The following TMEM131L variants were observed in gnomAD, a reference collection of about 807,000 sequenced individuals.
TMEM131L encodes transmembrane protein 131-like.
In TMEM131L, 54 loss-of-function variants were observed where a neutral mutation model predicts 192.2. That is an observed-to-expected ratio of 0.28 (90% CI 0.23 to 0.35). The LOEUF (loss-of-function observed/expected upper bound fraction) is 0.35, where lower values mean the gene tolerates loss of function less well. Among genes scored for constraint, TMEM131L ranks in the 10% least tolerant of loss-of-function variants. The probability of loss-of-function intolerance (pLI) is 1.00; values close to 1 mark genes in which losing one functional copy is unlikely to be tolerated. For synonymous variants in TMEM131L, 701 were observed against 704.9 expected (o/e 0.99, Z 0.09); for missense variants, 1,888 against 1,972.9 (o/e 0.96, Z 0.82).
At chr4:153,611,664 A>T (rs1732622789) in intron 25 of TMEM131L, among the ~76,000 whole-genome samples, 1 of 152,156 alleles carries the variant, frequency 6.6e-6, no homozygotes, top group Admixed American at 6.5e-5. Context: ...GTTAACCACC[A>T]GTCTACTTTC....
intron 5 of TMEM131L, among the ~76,000 whole-genome samples, chr4:153,556,159 C>T (rs1179234012): frequency 6.6e-6 from 1 of 152,034 alleles, no homozygotes; most frequent in Non-Finnish European, 1.5e-5. Context: ...AGGCTCTCAG[C>T]TGTGTAGTAA....
chr4:153,559,717 T>C (rs1728723269), intron 7 of TMEM131L, among the ~76,000 whole-genome samples: 1 of 152,170 alleles, frequency 6.6e-6, no homozygotes, highest in Non-Finnish European at 1.5e-5. Context: ...TCCCATTAAC[T>C]GCCAGGATCT....
At chr4:153,550,533 C>A (rs111543012) in intron 4 of TMEM131L, among the ~76,000 whole-genome samples, 170 of 152,124 alleles carry the variant, frequency 1.1e-3, no homozygotes, top group Middle Eastern at 3.4e-3. Flanking sequence ...TCACCGTGTT[C>A]GCCAGGATGG....
chr4:153,609,641 A>G (rs1349223669), intron 25 of TMEM131L, among the ~76,000 whole-genome samples: 1 of 152,182 alleles, frequency 6.6e-6, no homozygotes, highest in African/African-American at 2.4e-5. Flanking sequence ...TGATTTTCTA[A>G]AAGTCTGCAC....
intron 26 of TMEM131L, among the ~76,000 whole-genome samples, chr4:153,618,622 G>T (rs574190398): frequency 4.6e-5 from 7 of 152,232 alleles, no homozygotes; most frequent in Middle Eastern, 3.4e-3. Context: ...GGAAACTGAG[G>T]CAGAGAGGCT....
At chr4:153,573,302 C>T (rs963082895) in intron 7 of TMEM131L, among the ~76,000 whole-genome samples, 4 of 152,256 alleles carry the variant, frequency 2.6e-5, no homozygotes, top group Non-Finnish European at 5.9e-5. Context: ...TGTGCCCATG[C>T]TACTCAAGGT....
At position 153,555,785 on chromosome 4, in the gene TMEM131L, A is replaced by G; in HGVS notation, c.309-2A>G. The G allele has an allele frequency of 1.3e-6, 2 of 1,550,516 alleles. No homozygotes were observed. The highest frequency in any genetic ancestry group is 1.7e-6 in the Non-Finnish European group (2 of 1,146,042). On this transcript the variant is annotated splice_acceptor_variant, in intron 4 of 34. Transcript: ENST00000409959. LOFTEE classifies it high-confidence loss of function. This position sits in a 1 kb window ranked among gnomAD's most constrained non-coding sequence, Gnocchi z 4.1. Reference sequence around the variant, plus strand: ...GATTTTTCTCTTTGTTTCTCCTCCTAGGTTCCTGGGACATCCTGTAGCAAA... The same window carrying G: ...GATTTTTCTCTTTGTTTCTCCTCCTGGGTTCCTGGGACATCCTGTAGCAAA...
chr4:153,575,059 A>G (rs1378067557), intron 7 of TMEM131L, among the ~76,000 whole-genome samples: 1 of 152,268 alleles, frequency 6.6e-6, no homozygotes, highest in Non-Finnish European at 1.5e-5. Context: ...TACCAGGAAC[A>G]TCAAGCCTCT....
At chr4:153,473,728 G>C (rs1053609536) in intron 2 of TMEM131L, 117 bp from the exon 3 acceptor site, 29 of 717,920 alleles carry the variant, frequency 4.0e-5, no homozygotes, top group Non-Finnish European at 6.4e-5. Context: ...GGAGGCGGAG[G>C]TTGCAGTGAG....
At chr4:153,624,718 G>A (rs1733707151) in intron 29 of TMEM131L, among the ~76,000 whole-genome samples, 2 of 152,110 alleles carry the variant, frequency 1.3e-5, no homozygotes, top group African/African-American at 4.8e-5. Flanking sequence ...TGAACCCCGG[G>A]CTTCTTCCCC....
chr4:153,587,089 G>C (rs955966537), intron 14 of TMEM131L, among the ~76,000 whole-genome samples: 2 of 152,022 alleles, frequency 1.3e-5, no homozygotes, highest in Admixed American at 1.3e-4. Context: ...TTAACTAGCT[G>C]TAAGCGTACA....
intron 3 of TMEM131L, among the ~76,000 whole-genome samples, chr4:153,519,533 G>C (rs1010684049): frequency 1.3e-5 from 2 of 152,170 alleles, no homozygotes; most frequent in Non-Finnish European, 2.9e-5. Context: ...ATTCTTACCT[G>C]TCTGACTCTA....
intron 24 of TMEM131L, 117 bp from the exon 25 acceptor site, chr4:153,603,685 G>A: frequency 9.2e-6 from 11 of 1,196,488 alleles, no homozygotes; most frequent in Non-Finnish European, 1.2e-5. Context: ...TGGAAGAAGG[G>A]AAGGTAAAAC....
chr4:153,471,422 C>G (rs988516007), intron 2 of TMEM131L, among the ~76,000 whole-genome samples: 2 of 152,156 alleles, frequency 1.3e-5, no homozygotes, highest in Non-Finnish European at 2.9e-5. Context: ...TTCAGTACTG[C>G]CCATGAAGTC....
chr4:153,560,484 T>C (rs1728776451), intron 7 of TMEM131L, among the ~76,000 whole-genome samples: 1 of 152,272 alleles, frequency 6.6e-6, no homozygotes, highest in South Asian at 2.1e-4. Flanking sequence ...AACAGTGTTA[T>C]GAAATATAAT....
intron 3 of TMEM131L, among the ~76,000 whole-genome samples, chr4:153,544,673 C>T (rs1263715173): frequency 2.0e-5 from 3 of 152,222 alleles, no homozygotes; most frequent in Admixed American, 1.3e-4. Context: ...CAGTGTCCCT[C>T]CGTGGTAGCT....
intron 3 of TMEM131L, among the ~76,000 whole-genome samples, chr4:153,487,325 A>G (rs748238392): frequency 1.2e-4 from 18 of 152,162 alleles, no homozygotes; most frequent in African/African-American, 1.7e-4. Flanking sequence ...TAGAATCCGT[A>G]CGTATTCTCT....
chr4:153,521,386 A>G (rs913883294), intron 3 of TMEM131L, among the ~76,000 whole-genome samples: 1 of 152,230 alleles, frequency 6.6e-6, no homozygotes, highest in Non-Finnish European at 1.5e-5. Context: ...GTGAGTCTAC[A>G]TTATAATCAC....
chr4:153,603,686 A>C lies in TMEM131L; in HGVS notation c.2790-116A>C, dbSNP rs373968057. On this transcript the variant is annotated intron_variant, in intron 24 of 34. Coordinates refer to ENST00000409959, the MANE Select transcript of TMEM131L (RefSeq NM_001131007.2). ...AACTCTTGGAGCTTTGGAAGAAGGG[A>C]AGGTAAAACTTACACTCAGTACTGA... 5.9e-6 allele frequency: 7 copies of C among 1,195,934 alleles called. No individual in the cohort carries two copies. In the Admixed American group the frequency reaches 1.0e-4, roughly 18 times the overall value. The allele number at this position is 1,195,934 out of a possible 1,614,324, so 74.1% of individuals were successfully genotyped here.
Sources: gnomAD v4.1 joint callset for allele counts (sites outside exome capture counted in the v4.1 genomes callset) on GRCh38, gnomAD v4.1.1 for gene constraint, Gnocchi (gnomAD v3.1) non-coding constraint, MANE v1.5 for transcripts, NCBI Gene and HGNC (gene_info 2026-07-23, HGNC 2026-07-21) for gene names.